The following DLGAP2 variants were observed in gnomAD, a reference collection of about 807,000 sequenced individuals.
DLGAP2 encodes disks large-associated protein 2.
In DLGAP2, 26 loss-of-function variants were observed where a neutral mutation model predicts 100.3. The ratio of observed to expected loss-of-function variants is 0.26; its 90% CI spans 0.19 to 0.36. The LOEUF (loss-of-function observed/expected upper bound fraction) is 0.36, where lower values mean the gene tolerates loss of function less well. Among genes scored for constraint, DLGAP2 ranks in the 10% least tolerant of loss-of-function variants. The pLI, the probability that DLGAP2 is intolerant of heterozygous loss-of-function variation, is 1.00. For missense variants in DLGAP2, 1,858 were observed against 1,453.2 expected, an observed-to-expected ratio of 1.28 and a Z score of -4.53; for synonymous variants, 886 against 630.1, an observed-to-expected ratio of 1.41 and a Z score of -6.08.
At chr8:888,699 T>A (rs1194493868) in intron 1 of DLGAP2, among the ~76,000 whole-genome samples, 1 of 152,046 alleles carries the variant, frequency 6.6e-6, no homozygotes, top group Non-Finnish European at 1.5e-5. Context: ...CTCACTCCTG[T>A]GCCTGGAGAT....
At chr8:1,303,925 C>T (rs1046461323) in intron 3 of DLGAP2, among the ~76,000 whole-genome samples, 6 of 152,262 alleles carry the variant, frequency 3.9e-5, no homozygotes, top group Non-Finnish European at 8.8e-5. Flanking sequence ...TCACCTCCCT[C>T]GTAAATGGAG....
chr8:1,428,713 G>A (rs964171988), intron 3 of DLGAP2, among the ~76,000 whole-genome samples: 6 of 152,206 alleles, frequency 3.9e-5, no homozygotes, highest in Non-Finnish European at 5.9e-5. Context: ...AGGAATGCAA[G>A]GATGGCTCAG....
At chr8:1,693,674 T>C (rs1799309563) in intron 13 of DLGAP2, among the ~76,000 whole-genome samples, 2 of 152,206 alleles carry the variant, frequency 1.3e-5, no homozygotes, top group Admixed American at 1.3e-4. Flanking sequence ...GTCTTTTCCT[T>C]AGGATCATTA....
intron 1 of DLGAP2, among the ~76,000 whole-genome samples, chr8:859,974 G>A (rs935625644): frequency 2.0e-5 from 3 of 152,084 alleles, no homozygotes; most frequent in Non-Finnish European, 2.9e-5. Flanking sequence ...GTTTGTTTTT[G>A]GAGCTTATTA....
chr8:1,688,117 C>G (rs953190358), intron 12 of DLGAP2: 1 of 151,970 alleles, frequency 6.6e-6, no homozygotes, highest in African/African-American at 2.4e-5. Context: ...GCTTCTCGAC[C>G]GACTGCAGCG....
chr8:1,387,962 G>A (rs775024433), intron 3 of DLGAP2, among the ~76,000 whole-genome samples: 8 of 152,256 alleles, frequency 5.3e-5, no homozygotes, highest in South Asian at 4.1e-4. Flanking sequence ...CGATCAAGGC[G>A]TGGAGGTCCC....
intron 2 of DLGAP2, among the ~76,000 whole-genome samples, chr8:969,563 C>G (rs967640070): frequency 2.0e-5 from 3 of 151,674 alleles, no homozygotes; most frequent in African/African-American, 7.3e-5. Context: ...AAGATATAAA[C>G]TTAAATAATT....
chr8:1,084,704 C>T (rs61545699), intron 2 of DLGAP2, among the ~76,000 whole-genome samples: 4,368 of 152,322 alleles, frequency 0.029, 180 homozygotes, highest in African/African-American at 0.098. Flanking sequence ...AAATGACAGA[C>T]ATTCTTTCCT....
At chr8:1,044,136 C>T (rs931122313) in intron 2 of DLGAP2, among the ~76,000 whole-genome samples, 1 of 152,154 alleles carries the variant, frequency 6.6e-6, no homozygotes, top group Admixed American at 6.5e-5. Flanking sequence ...CACAGTCCTC[C>T]TTGTAACCCA....
chr8:1,123,634 C>T (rs1796099497), intron 2 of DLGAP2, among the ~76,000 whole-genome samples: 1 of 149,880 alleles, frequency 6.7e-6, no homozygotes, highest in Admixed American at 6.8e-5. Context: ...TTCCTTTATT[C>T]CTAAGGGAAA....
chr8:980,975 T>C (rs571323850), intron 2 of DLGAP2, among the ~76,000 whole-genome samples: 1 of 152,054 alleles, frequency 6.6e-6, no homozygotes, highest in East Asian at 1.9e-4. Flanking sequence ...AGTTCAATGG[T>C]ATTAATTATA....
chr8:830,525 A>G (rs926995363), intron 1 of DLGAP2, among the ~76,000 whole-genome samples: 1 of 151,990 alleles, frequency 6.6e-6, no homozygotes, highest in Non-Finnish European at 1.5e-5. Flanking sequence ...AATTTTTAAC[A>G]TTTGCTTTTA....
chr8:1,410,323 C>T (rs916099421), intron 3 of DLGAP2, among the ~76,000 whole-genome samples: 8 of 152,170 alleles, frequency 5.3e-5, no homozygotes, highest in East Asian at 3.9e-4. Flanking sequence ...TGGCTTCACG[C>T]GTGCGGCACC....
intron 12 of DLGAP2, among the ~76,000 whole-genome samples, chr8:1,687,560 T>C (rs186827171): frequency 1.3e-4 from 20 of 152,364 alleles, no homozygotes; most frequent in African/African-American, 4.8e-4. Context: ...TTAGCAGGCA[T>C]GTCATTAGCT....
chr8:1,278,160 C>A (rs1181031944), intron 3 of DLGAP2, among the ~76,000 whole-genome samples: 1 of 152,166 alleles, frequency 6.6e-6, no homozygotes, highest in African/African-American at 2.4e-5. Context: ...GTCAGCAGAG[C>A]TGTGTTCCAG....
chr8:1,439,256 C>T (rs1377054638), intron 3 of DLGAP2, among the ~76,000 whole-genome samples: 2 of 152,172 alleles, frequency 1.3e-5, no homozygotes, highest in Non-Finnish European at 2.9e-5. Flanking sequence ...CAGCACGTGG[C>T]AGCCGGGTTC....
At chr8:1,081,757 C>G (rs1803819050) in intron 2 of DLGAP2, among the ~76,000 whole-genome samples, 2 of 152,156 alleles carry the variant, frequency 1.3e-5, no homozygotes, top group African/African-American at 4.8e-5. Context: ...CAAAGTTCAC[C>G]CAGGATACTA....
chr8:1,524,119 C>T (rs572855677), intron 4 of DLGAP2, among the ~76,000 whole-genome samples: 15 of 152,282 alleles, frequency 9.9e-5, no homozygotes, highest in Admixed American at 5.2e-4. Flanking sequence ...GATCCCCAGA[C>T]GGGGCTGGCC....
At chr8:1,503,497 C>A (rs1799795660) in intron 4 of DLGAP2, among the ~76,000 whole-genome samples, 1 of 152,116 alleles carries the variant, frequency 6.6e-6, no homozygotes, top group African/African-American at 2.4e-5. Flanking sequence ...TGTGGATGGA[C>A]CACACTGGTT....
Sources: allele counts gnomAD v4.1 joint callset (sites outside exome capture counted in the v4.1 genomes callset), GRCh38; gene constraint gnomAD v4.1.1; transcripts MANE v1.5; gene names NCBI Gene and HGNC (gene_info 2026-07-23, HGNC 2026-07-21).